SLPI: variants seen among roughly 807,000 people sequenced by gnomAD.
The protein encoded by SLPI is antileukoproteinase.
In SLPI, 20 loss-of-function variants were observed where a neutral mutation model predicts 14.3. That is an observed-to-expected ratio of 1.40 (90% CI 0.99 to 2.04). The LOEUF (loss-of-function observed/expected upper bound fraction) is 2.04. Among genes scored for constraint, SLPI ranks in the 30% most tolerant of loss-of-function variants. The pLI is 0.00. For missense variants in SLPI, 169 were observed against 159.4 expected (o/e 1.06, Z -0.32); for synonymous variants, 68 against 54.8 (o/e 1.24, Z -1.07).
chr20:45,254,020 G>T (rs1984744090), intron 1 of SLPI, among the ~76,000 whole-genome samples: 1 of 152,116 alleles, frequency 6.6e-6, no homozygotes, highest in Non-Finnish European at 1.5e-5. Flanking sequence ...AGGAAGGCTG[G>T]GAGTGATGGA....
At chr20:45,252,492 C>A (rs936979842) in intron 3 of SLPI, 73 bp from the exon 4 acceptor site, 3 of 1,512,594 alleles carry the variant, frequency 2.0e-6, no homozygotes, top group Non-Finnish European at 2.8e-6. Context: ...TCCTCCTGCC[C>A]AAGGATCCTT....
chr20:45,253,766 G>C, intron 1 of SLPI, 33 bp from the exon 2 acceptor site: 1 of 1,604,424 alleles, frequency 6.2e-7, no homozygotes, highest in South Asian at 1.1e-5. Context: ...GTCAGGAGGA[G>C]GCTGGGTACT....
Position 45,252,409 on chromosome 20 carries a change from C to G in SLPI, c.*6G>C. The stretch of plus-strand genomic sequence containing the variant: ...GGACTCCAGAGCCTCCTCCATATGG[C>G]AGGAATCAAGCTGTGAGAGAAAATC... On this transcript the variant is annotated 3_prime_UTR_variant, in exon 4 of 4. Transcript: ENST00000338380. 7 of 1,613,664 alleles carry G rather than the reference C, an allele frequency of 4.3e-6. No individual in the cohort carries two copies. Among genetic ancestry groups the G allele is most frequent in the Non-Finnish European group, 5.1e-6 (6 of 1,179,802 alleles).
intron 2 of SLPI, 29 bp downstream of exon 2, chr20:45,253,546 C>T (rs1204480195): frequency 1.9e-6 from 3 of 1,603,008 alleles, no homozygotes; most frequent in African/African-American, 2.7e-5. Flanking sequence ...AGGCTCACTC[C>T]TCTCTACCCA....
chr20:45,253,516 C>G (rs1040210515), intron 2 of SLPI, 59 bp downstream of exon 2: 1 of 1,515,680 alleles, frequency 6.6e-7, no homozygotes, highest in Non-Finnish European at 9.0e-7. Context: ...CCAGTTCCAT[C>G]CCTCTAATGC....
chr20:45,254,348 C>A (rs1984756011), intron 1 of SLPI, 111 bp downstream of exon 1: 4 of 893,030 alleles, frequency 4.5e-6, no homozygotes. Flanking sequence ...GGGAGGTCTC[C>A]CGAAACTAAG....
rs1460275253 is a variant in SLPI at position 45,253,616 on chromosome 20, C to G, written c.203G>C (p.Cys68Ser). 1.2e-6 allele frequency: 2 copies of G among 1,614,152 alleles called. No individual in the cohort carries two copies. The highest frequency in any genetic ancestry group is 1.7e-5 in the Admixed American group (1 of 60,016). The part of the protein sequence containing the change: ...PGKKRCCPDT[C>S]GIKCLDPVDT... Reference sequence around the variant, plus strand: ...AACAGGATCCAGGCATTTGATGCCACAAGTGTCAGGACAACATCTCTTCTT... The same window carrying G: ...AACAGGATCCAGGCATTTGATGCCAGAAGTGTCAGGACAACATCTCTTCTT... Residue 68 changes from cysteine to serine, a missense_variant, in exon 2 of 4, where the codon TGT becomes TCT. Coordinates refer to ENST00000338380, the MANE Select transcript of SLPI (RefSeq NM_003064.4).
At chr20:45,253,430 G>T in intron 2 of SLPI, 145 bp downstream of exon 2, 1 of 853,736 alleles carries the variant, frequency 1.2e-6, no homozygotes, top group Non-Finnish European at 1.8e-6. Context: ...TGCTTCACCA[G>T]CTGCTGGCTA....
chr20:45,252,549 T>C (rs1984691547), intron 3 of SLPI, 130 bp from the exon 4 acceptor site: 1 of 859,496 alleles, frequency 1.2e-6, no homozygotes, highest in Non-Finnish European at 1.8e-6. Flanking sequence ...GAGAGAGACT[T>C]AGTGTCAGGA....
intron 1 of SLPI, among the ~76,000 whole-genome samples, chr20:45,253,953 A>G (rs569917879): frequency 5.3e-5 from 8 of 152,172 alleles, no homozygotes; most frequent in Admixed American, 2.6e-4. Context: ...AAAGGGCAGC[A>G]GGCTTCTAGT....
intron 3 of SLPI, 42 bp downstream of exon 3, chr20:45,252,960 G>A: frequency 6.2e-7 from 1 of 1,600,408 alleles, no homozygotes. Context: ...TTGAGGCTGA[G>A]AGGGCTGGAG....
Position 45,253,853 on chromosome 20 carries a change from G to A in SLPI, c.86-120C>T, listed in dbSNP as rs1390466654. 4.8e-6 allele frequency: 4 copies of A among 833,976 alleles called. No individual in the cohort carries two copies. The African/African-American group carries it at 5.1e-5, about 11-fold the overall frequency. 51.7% of individuals were successfully genotyped at this position (833,976 alleles called of 1,614,324 possible). A position where few individuals can be genotyped will look rare whatever the true frequency, so the allele number is the denominator to read the frequency against. On this transcript the variant is annotated intron_variant, in intron 1 of 3. Coordinates refer to ENST00000338380, the MANE Select transcript of SLPI (RefSeq NM_003064.4). Reference sequence around the variant, plus strand: ...CCTTACCTCAGTAGCTGTCCACAAAGCCCAAAGGGTCATGCCTGCCTGATC... The same window carrying A: ...CCTTACCTCAGTAGCTGTCCACAAAACCCAAAGGGTCATGCCTGCCTGATC...
chr20:45,253,611 T>A lies in SLPI; in HGVS notation c.208A>T (p.Ile70Phe). 6.2e-7 allele frequency: 1 copy of A among 1,614,160 alleles called. No individual in the cohort carries two copies. ...GTGTCAACAGGATCCAGGCATTTGA[T>A]GCCACAAGTGTCAGGACAACATCTC... ...KKRCCPDTCG[I>F]KCLDPVDTPN... The change falls in exon 2 of 4, where the codon ATC becomes TTC. Residue 70 changes from isoleucine to phenylalanine, a missense_variant. Ile to Phe is a conservative substitution (Grantham distance 21, BLOSUM62 0). Transcript: ENST00000338380.
In SLPI at chr20:45,252,908, G is replaced by T. The variant is rs1342847692; in HGVS notation, c.394+94C>A. The T allele has an allele frequency of 2.9e-6, 4 of 1,360,722 alleles. No individual in the cohort carries two copies. In the South Asian group the frequency reaches 3.9e-5, roughly 13 times the overall value. 84.3% of individuals were successfully genotyped at this position (1,360,722 alleles called of 1,614,324 possible). On this transcript the variant is annotated intron_variant, in intron 3 of 3. Transcript: ENST00000338380. ...AGACAGAGGCTGTGCTTGGAGTAGGGTTCAGGAGTCCCCCTGCCCATATGC... is the reference window on the plus strand; with the variant it reads ...AGACAGAGGCTGTGCTTGGAGTAGGTTTCAGGAGTCCCCCTGCCCATATGC...
At position 45,252,255 on chromosome 20, in the gene SLPI, C is replaced by T. The variant is rs1037545099; in HGVS notation, c.*160G>A. 1 of 613,778 alleles carries T rather than the reference C, an allele frequency of 1.6e-6. No individual in the cohort carries two copies. The highest frequency in any genetic ancestry group is 1.9e-5 in the African/African-American group (1 of 52,408). 38.0% of individuals were successfully genotyped at this position (613,778 alleles called of 1,614,324 possible). A position where few individuals can be genotyped will look rare whatever the true frequency, so the allele number is the denominator to read the frequency against. On this transcript the variant is annotated 3_prime_UTR_variant, in exon 4 of 4. Transcript: ENST00000338380. The stretch of plus-strand genomic sequence containing the variant: ...AGCAGGATGTGCAAAGAGAAATAGG[C>T]TCGTTTATTTATTCATTGATCAACT...
chr20:45,253,480 C>T (rs1182746523), intron 2 of SLPI, 95 bp downstream of exon 2: 4 of 1,221,852 alleles, frequency 3.3e-6, no homozygotes, highest in Admixed American at 4.8e-5. Flanking sequence ...GACGGATTGA[C>T]AAGGAGGCCT....
At chr20:45,252,492 C>G in intron 3 of SLPI, 73 bp from the exon 4 acceptor site, 1 of 1,512,714 alleles carries the variant, frequency 6.6e-7, no homozygotes, top group Non-Finnish European at 9.2e-7. Context: ...TCCTCCTGCC[C>G]AAGGATCCTT....
intron 3 of SLPI, among the ~76,000 whole-genome samples, 159 bp from the exon 4 acceptor site, chr20:45,252,578 C>T (rs576547237): frequency 6.6e-6 from 1 of 152,144 alleles, no homozygotes; most frequent in Admixed American, 6.5e-5. Flanking sequence ...TCATTTTCAC[C>T]GTAAAACTCT....
rs750702416 is a variant in SLPI at position 45,253,569 on chromosome 20, G to A, written c.244+6C>T. 3.7e-6 allele frequency: 6 copies of A among 1,612,614 alleles called. No individual in the cohort carries two copies. In the East Asian group the frequency reaches 1.3e-4, roughly 36 times the overall value. ...TCCTCTCTACCCAGTTCCCCGACCT[G>A]CTTACTTGGGTTTGGGGTGTCAACA... On this transcript the variant is annotated splice_donor_region_variant and intron_variant, in intron 2 of 3. Transcript: ENST00000338380.
Sources: gnomAD v4.1 joint callset for allele counts (sites outside exome capture counted in the v4.1 genomes callset) on GRCh38, gnomAD v4.1.1 for gene constraint, MANE v1.5 for transcripts, NCBI Gene and HGNC (gene_info 2026-07-23, HGNC 2026-07-21) for gene names.